Variants in CNTFR observed in about 807,000 individuals in gnomAD.
CNTFR encodes the protein ciliary neurotrophic factor receptor, also known as ciliary neurotrophic factor receptor subunit alpha.
A neutral mutation model predicts 40.4 loss-of-function variants in CNTFR; 12 were observed. The observed-to-expected ratio is 0.30, with a 90% CI of 0.19 to 0.48. The LOEUF (loss-of-function observed/expected upper bound fraction) is 0.48, where lower values mean the gene tolerates loss of function less well. Among genes scored for constraint, CNTFR ranks in the 20% least tolerant of loss-of-function variants. The pLI, the probability that CNTFR is intolerant of heterozygous loss-of-function variation, is 0.99. For synonymous variants in CNTFR, 202 were observed against 209.6 expected (o/e 0.96, Z 0.31); for missense variants, 414 against 506.8 (o/e 0.82, Z 1.76).
rs2274592 is a variant in CNTFR, at chr9:34,552,439, C to T, written c.950-110G>A. 792,425 of 1,193,088 alleles carry T rather than the reference C, an allele frequency of 0.66. 267,942 individuals are homozygous for T. Among genetic ancestry groups the T allele is most frequent in the Non-Finnish European group, 0.7 (610,226 of 869,368 alleles). 73.9% of individuals were successfully genotyped at this position (1,193,088 alleles called of 1,614,324 possible). On this transcript the variant is annotated intron_variant, in intron 8 of 9. Coordinates refer to ENST00000378980, the MANE Select transcript of CNTFR (RefSeq NM_147164.3). The surrounding 1 kb of genome is among the most constrained non-coding windows in gnomAD (Gnocchi z 5.1). The stretch of plus-strand genomic sequence containing the variant: ...TCCTGCATCAGACTGGTACTGCCTC[C>T]CCCATCAGGCAGATCCTGTTTCCCA...
At chr9:34,579,067 G>C (rs979045276) in intron 2 of CNTFR, among the ~76,000 whole-genome samples, 1 of 152,050 alleles carries the variant, frequency 6.6e-6, no homozygotes, top group East Asian at 1.9e-4. Context: ...ATGAGCACAC[G>C]CACACGCACA....
intron 2 of CNTFR, among the ~76,000 whole-genome samples, chr9:34,570,533 C>T (rs114611474): frequency 0.03 from 4,543 of 152,196 alleles, 243 homozygotes; most frequent in African/African-American, 0.1. Context: ...AACTGATAGA[C>T]GCAAACAGGC....
chr9:34,562,413 C>T (rs1826112022), intron 4 of CNTFR, among the ~76,000 whole-genome samples: 1 of 152,114 alleles, frequency 6.6e-6, no homozygotes, highest in Non-Finnish European at 1.5e-5. Flanking sequence ...TCAGTTTAGA[C>T]ACATTAAACA....
chr9:34,572,513 T>A (rs1222556300), intron 2 of CNTFR, among the ~76,000 whole-genome samples: 1 of 152,030 alleles, frequency 6.6e-6, no homozygotes, highest in Non-Finnish European at 1.5e-5. Context: ...GGGTACCCCA[T>A]AAGCAAGGAA....
chr9:34,581,228 T>G, intron 1 of CNTFR, 23 bp from the exon 2 acceptor site: 1 of 152,314 alleles, frequency 6.6e-6, no homozygotes, highest in African/African-American at 2.4e-5. Flanking sequence ...AGGGCACAAA[T>G]CAGAGGTCAC....
chr9:34,589,438 C>A lies in CNTFR; in HGVS notation c.-112+117G>T, dbSNP rs1827685326. On this transcript the variant is annotated intron_variant, in intron 1 of 9. Coordinates refer to ENST00000378980, the MANE Select transcript of CNTFR (RefSeq NM_147164.3). This position sits in a 1 kb window ranked among gnomAD's most constrained non-coding sequence, Gnocchi z 4.4. ...TTCTCGTGAACTTTCCTGTCGCCCC[C>A]GTCCGTGGGCCCACGGGTGTCCCCT... is the stretch of plus-strand genomic sequence containing the variant. 6.6e-6 allele frequency: 1 copy of A among 151,932 alleles called. No individual in the cohort carries two copies. Among genetic ancestry groups the A allele is most frequent in the African/African-American group, 2.4e-5 (1 of 41,402 alleles). 9.4% of individuals were successfully genotyped at this position (151,932 alleles called of 1,614,324 possible). A position where few individuals can be genotyped will look rare whatever the true frequency, so the allele number is the denominator to read the frequency against.
intron 2 of CNTFR, among the ~76,000 whole-genome samples, chr9:34,579,242 G>T (rs1300728732): frequency 6.6e-6 from 1 of 152,026 alleles, no homozygotes; most frequent in Non-Finnish European, 1.5e-5. Flanking sequence ...GGGGATCCAC[G>T]CTGCCTGATT....
upstream of CNTFR, chr9:34,590,159 C>CGT (rs1239832936): frequency 6.9e-6 from 1 of 144,878 alleles, no homozygotes; most frequent in Non-Finnish European, 1.5e-5. Flanking sequence ...CTCGCAAACG[C>CGT]GCGCGCGCAC....
At chr9:34,566,097 C>T (rs1330000923) in intron 3 of CNTFR, among the ~76,000 whole-genome samples, 3 of 152,104 alleles carry the variant, frequency 2.0e-5, no homozygotes, top group Admixed American at 2.0e-4. Context: ...CTTGTTAACA[C>T]CACCAAGACT....
chr9:34,566,901 A>T (rs914374367), intron 3 of CNTFR, among the ~76,000 whole-genome samples: 4 of 152,180 alleles, frequency 2.6e-5, no homozygotes, highest in Non-Finnish European at 5.9e-5. Context: ...ATAATGACAG[A>T]CCGATGATGT....
rs763996882 is a variant in CNTFR at position 34,569,002 on chromosome 9, G to A, written c.1-21C>T. 7 of 1,569,474 alleles carry A rather than the reference G, an allele frequency of 4.5e-6. No individual in the cohort carries two copies. The African/African-American group carries it at 5.4e-5, about 12-fold the overall frequency. ...GCCATCTGTTGGGAGAAACCGGGGTGGGGGAGGGGTCAGCATCAGCCCAGG... is the reference window on the plus strand; with the variant it reads ...GCCATCTGTTGGGAGAAACCGGGGTAGGGGAGGGGTCAGCATCAGCCCAGG... On this transcript the variant is annotated intron_variant, in intron 2 of 9. Transcript: ENST00000378980.
At chr9:34,560,434 A>G (rs1485393880) in intron 4 of CNTFR, among the ~76,000 whole-genome samples, 1 of 152,162 alleles carries the variant, frequency 6.6e-6, no homozygotes, top group Non-Finnish European at 1.5e-5. Flanking sequence ...GACTGTCTCT[A>G]TGTGCTAGGC....
chr9:34,590,351 A>G (rs7854867), upstream of CNTFR, among the ~76,000 whole-genome samples: 270 of 152,040 alleles, frequency 1.8e-3, no homozygotes, highest in African/African-American at 6.2e-3. Flanking sequence ...ACCCCGGGCC[A>G]ACTCTCGGGG....
chr9:34,588,862 C>T (rs1369937166), intron 1 of CNTFR, among the ~76,000 whole-genome samples: 1 of 152,122 alleles, frequency 6.6e-6, no homozygotes, highest in Admixed American at 6.5e-5. Context: ...GACACCCAGA[C>T]TGGCTCACAC....
chr9:34,555,103 C>T (rs991454344), intron 7 of CNTFR, among the ~76,000 whole-genome samples: 4 of 152,210 alleles, frequency 2.6e-5, no homozygotes, highest in Non-Finnish European at 2.9e-5. Flanking sequence ...AAGGCGTGTG[C>T]GCCGCGACGC....
At chr9:34,573,197 C>A (rs1025613240) in intron 2 of CNTFR, among the ~76,000 whole-genome samples, 2 of 152,206 alleles carry the variant, frequency 1.3e-5, no homozygotes, top group African/African-American at 4.8e-5. Flanking sequence ...AGGGCAGAAC[C>A]TGGGGGAAGG....
intron 4 of CNTFR, 109 bp downstream of exon 4, chr9:34,564,490 A>C (rs1436233325): frequency 4.8e-6 from 5 of 1,031,016 alleles, no homozygotes; most frequent in Non-Finnish European, 7.3e-6. Flanking sequence ...GTCAGGCTGC[A>C]GCTCTCCCCT....
chr9:34,562,681 C>A (rs1344968045), intron 4 of CNTFR, among the ~76,000 whole-genome samples: 1 of 152,100 alleles, frequency 6.6e-6, no homozygotes, highest in Non-Finnish European at 1.5e-5. Context: ...TGAACCATAC[C>A]CAAATAAAAT....
intron 2 of CNTFR, among the ~76,000 whole-genome samples, chr9:34,570,440 G>A (rs141160697): frequency 1.2e-3 from 182 of 152,258 alleles, no homozygotes; most frequent in Non-Finnish European, 2.1e-3. Context: ...TGAAGCCGTC[G>A]GCGACAAAGC....
Sources: allele counts gnomAD v4.1 joint callset (sites outside exome capture counted in the v4.1 genomes callset), GRCh38; gene constraint gnomAD v4.1.1; non-coding constraint Gnocchi (gnomAD v3.1); transcripts MANE v1.5; gene names NCBI Gene and HGNC (gene_info 2026-07-23, HGNC 2026-07-21).